The following HIVEP3 variants were observed in gnomAD, a reference collection of about 807,000 sequenced individuals.
HIVEP3 encodes the protein transcription factor HIVEP3.
HIVEP3 carries 49 observed loss-of-function variants against 152.8 expected under a neutral mutation model. The observed-to-expected ratio is 0.32, with a 90% CI of 0.26 to 0.41. The LOEUF (loss-of-function observed/expected upper bound fraction) is 0.41, where lower values mean the gene tolerates loss of function less well. HIVEP3 is among the 10% of genes least tolerant of loss of function. The pLI, the probability that HIVEP3 is intolerant of heterozygous loss-of-function variation, is 1.00. For missense variants in HIVEP3, 2,790 were observed against 3,103.3 expected (o/e 0.90, Z 2.40); for synonymous variants, 1,269 against 1,289.0 (o/e 0.98, Z 0.33).
At chr1:41,740,819 T>C (rs1646986248) in intron 1 of HIVEP3, among the ~76,000 whole-genome samples, 1 of 152,144 alleles carries the variant, frequency 6.6e-6, no homozygotes, top group South Asian at 2.1e-4. Flanking sequence ...TCCACAGATG[T>C]GTGACCCAAG....
intron 2 of HIVEP3, among the ~76,000 whole-genome samples, chr1:41,656,967 TG>T (rs989083989): frequency 6.6e-6 from 1 of 152,200 alleles, no homozygotes; most frequent in African/African-American, 2.4e-5. Flanking sequence ...GTAACCAGAA[TG>T]ATCCCATTCT....
At position 41,564,192 on chromosome 1, in the gene HIVEP3, AAAC is replaced by A. The variant is rs150283157; in HGVS notation, c.5207+11349_5207+11351del. 1.1e-4 allele frequency among the ~76,000 whole-genome samples: 17 copies of A among 151,956 alleles called. No individual in the cohort carries two copies. In the East Asian group the frequency reaches 2.5e-3, roughly 22 times the overall value. ...TGGCAACAGAGCAAGACTCCATCTC[AAAC>A]AACAACAACAACAACAACAAGAAAA... On this transcript the variant is annotated intron_variant, in intron 5 of 8. Coordinates refer to ENST00000372583, the MANE Select transcript of HIVEP3 (RefSeq NM_024503.5).
intron 1 of HIVEP3, among the ~76,000 whole-genome samples, chr1:42,009,273 T>C (rs1382149368): frequency 6.6e-6 from 1 of 152,212 alleles, no homozygotes; most frequent in African/African-American, 2.4e-5. Flanking sequence ...TATTTCTTTG[T>C]GAATAATGTC....
At chr1:41,882,118 C>G (rs1052687620) in intron 1 of HIVEP3, among the ~76,000 whole-genome samples, 1 of 152,140 alleles carries the variant, frequency 6.6e-6, no homozygotes, top group Non-Finnish European at 1.5e-5. Flanking sequence ...CCAAACCACA[C>G]AATGTATTTT....
chr1:42,003,548 C>G (rs973823107), intron 1 of HIVEP3, among the ~76,000 whole-genome samples: 3 of 152,152 alleles, frequency 2.0e-5, no homozygotes, highest in African/African-American at 7.2e-5. Context: ...AGAACAGTGG[C>G]GACAGAAGAC....
chr1:42,021,495 G>A (rs1645553958), intron 1 of HIVEP3, among the ~76,000 whole-genome samples: 1 of 152,136 alleles, frequency 6.6e-6, no homozygotes, highest in Admixed American at 6.6e-5. Context: ...GGAGTCAGGA[G>A]TTTGGTATAG....
chr1:41,794,007 T>C (rs1381802080), intron 1 of HIVEP3, among the ~76,000 whole-genome samples: 1 of 152,218 alleles, frequency 6.6e-6, no homozygotes, highest in Non-Finnish European at 1.5e-5. Context: ...TCCAGTCTCT[T>C]AATATTGCAA....
chr1:41,964,041 G>A (rs2124499562), intron 1 of HIVEP3, among the ~76,000 whole-genome samples: 1 of 152,336 alleles, frequency 6.6e-6, no homozygotes, highest in South Asian at 2.1e-4. Flanking sequence ...CAGTCGTTCA[G>A]AATTTGACCT....
At chr1:42,027,374 A>G (rs1460790962) in intron 1 of HIVEP3, among the ~76,000 whole-genome samples, 3 of 152,182 alleles carry the variant, frequency 2.0e-5, no homozygotes, top group Admixed American at 6.5e-5. Context: ...GCTGCCCTAC[A>G]ATCTGTTCTC....
chr1:41,707,625 G>T (rs1185385784), intron 1 of HIVEP3, among the ~76,000 whole-genome samples: 1 of 152,220 alleles, frequency 6.6e-6, no homozygotes, highest in Non-Finnish European at 1.5e-5. Flanking sequence ...CCTATTGGGA[G>T]TTGGGTGTAG....
intron 1 of HIVEP3, among the ~76,000 whole-genome samples, chr1:42,024,452 T>G (rs1032019909): frequency 2.0e-5 from 3 of 152,228 alleles, no homozygotes; most frequent in Non-Finnish European, 4.4e-5. Flanking sequence ...TGTGCTTATT[T>G]TAGAAATGGC....
At chr1:41,726,649 T>G (rs1646756550) in intron 1 of HIVEP3, among the ~76,000 whole-genome samples, 1 of 152,124 alleles carries the variant, frequency 6.6e-6, no homozygotes, top group African/African-American at 2.4e-5. Context: ...GCAGAAGGAT[T>G]TGGGGCAAGT....
chr1:41,904,098 C>T (rs1035238768), intron 1 of HIVEP3, among the ~76,000 whole-genome samples: 4 of 151,922 alleles, frequency 2.6e-5, no homozygotes, highest in Non-Finnish European at 4.4e-5. Context: ...GGTATTGCTA[C>T]GTTGCCCAGG....
chr1:41,520,706 C>T (rs977492006), intron 6 of HIVEP3, among the ~76,000 whole-genome samples: 33 of 152,304 alleles, frequency 2.2e-4, no homozygotes, highest in African/African-American at 7.2e-4. Flanking sequence ...CCAAGCTAGA[C>T]GCTGGGCACA....
chr1:41,954,358 T>C (rs376147258), intron 1 of HIVEP3, among the ~76,000 whole-genome samples: 2 of 152,382 alleles, frequency 1.3e-5, no homozygotes, highest in East Asian at 3.9e-4. Context: ...GCCTTTGTTT[T>C]GCTGATTAGG....
chr1:41,884,472 C>T (rs748163734), intron 1 of HIVEP3, among the ~76,000 whole-genome samples: 14 of 152,112 alleles, frequency 9.2e-5, no homozygotes, highest in Non-Finnish European at 1.6e-4. Context: ...CAGGCAAGTG[C>T]GGCTGATGCA....
chr1:41,848,761 C>CAGA (rs1643512505), intron 1 of HIVEP3: 1 of 152,718 alleles, frequency 6.5e-6, no homozygotes, highest in Non-Finnish European at 1.5e-5. Context: ...CTGTGCCCAT[C>CAGA]TGCTGCCCTT....
chr1:41,589,131 A>G (rs1644548057), intron 3 of HIVEP3, among the ~76,000 whole-genome samples: 1 of 152,250 alleles, frequency 6.6e-6, no homozygotes, highest in Non-Finnish European at 1.5e-5. Flanking sequence ...TAAAGAAAAG[A>G]GCCACTTTTC....
At chr1:41,726,774 T>C (rs1646758307) in intron 1 of HIVEP3, among the ~76,000 whole-genome samples, 1 of 152,122 alleles carries the variant, frequency 6.6e-6, no homozygotes, top group African/African-American at 2.4e-5. Flanking sequence ...AGGTCTCAGC[T>C]GACTAGAGAG....
Sources: allele counts gnomAD v4.1 joint callset (sites outside exome capture counted in the v4.1 genomes callset), GRCh38; gene constraint gnomAD v4.1.1; transcripts MANE v1.5; gene names NCBI Gene and HGNC (gene_info 2026-07-23, HGNC 2026-07-21).